PDXDC1: variants seen among roughly 807,000 people sequenced by gnomAD.
The protein encoded by PDXDC1 is pyridoxal dependent decarboxylase domain containing 1.
PDXDC1 carries 42 observed loss-of-function variants against 100.1 expected under a neutral mutation model. The ratio of observed to expected loss-of-function variants is 0.42; its 90% CI spans 0.33 to 0.54. The LOEUF is 0.54. PDXDC1 is among the 20% of genes least tolerant of loss of function. The pLI, the probability that PDXDC1 is intolerant of heterozygous loss-of-function variation, is 0.10. For missense variants in PDXDC1, 636 were observed against 979.2 expected (o/e 0.65, Z 4.68); for synonymous variants, 260 against 371.7 (o/e 0.70, Z 3.46).
chr16:15,052,150 C>T (rs185143585), intron 16 of PDXDC1, among the ~76,000 whole-genome samples: 2 of 152,312 alleles, frequency 1.3e-5, no homozygotes, highest in African/African-American at 4.8e-5. Flanking sequence ...TACAAGGCCG[C>T]AGTCTCTGTC....
At chr16:15,008,548 A>G (rs1158901324) in intron 6 of PDXDC1, among the ~76,000 whole-genome samples, 1 of 152,174 alleles carries the variant, frequency 6.6e-6, no homozygotes, top group Non-Finnish European at 1.5e-5. Context: ...TGAATCATTT[A>G]GAAAATTTTA....
At chr16:15,079,874 G>A in intron 16 of PDXDC1, 1 of 1,149,600 alleles carries the variant, frequency 8.7e-7, no homozygotes, top group East Asian at 2.8e-5. Flanking sequence ...TGGGAATACA[G>A]GCGTGAGTCA....
intron 16 of PDXDC1, chr16:15,126,888 C>T: frequency 4.7e-6 from 1 of 211,288 alleles, no homozygotes; most frequent in Non-Finnish European, 9.6e-6. Flanking sequence ...GAACTCCTGA[C>T]CTCAACTGAT....
downstream of PDXDC1, chr16:15,040,036 C>T (rs779224026): frequency 3.7e-6 from 6 of 1,610,498 alleles, no homozygotes; most frequent in East Asian, 2.2e-5. Context: ...AAAGGATGCT[C>T]TGTAAATCTC....
the PDXDC1 span, among the ~76,000 whole-genome samples, chr16:15,149,168 G>A: frequency 1.5e-4 from 23 of 152,144 alleles, no homozygotes; most frequent in African/African-American, 3.9e-4. Flanking sequence ...CCCTGCCCCC[G>A]AGTCACCTTG....
chr16:15,100,684 G>A (rs558728995), intron 16 of PDXDC1, among the ~76,000 whole-genome samples: 57 of 152,216 alleles, frequency 3.7e-4, no homozygotes, highest in South Asian at 1.2e-3. Context: ...AGAACCACTG[G>A]TATAAACAAG....
intron 16 of PDXDC1, chr16:15,125,891 G>C (rs2047689385): frequency 5.6e-6 from 4 of 710,722 alleles, no homozygotes; most frequent in South Asian, 4.4e-5. Context: ...CAGCAGACAG[G>C]ACAGAGCCCG....
intron 16 of PDXDC1, among the ~76,000 whole-genome samples, chr16:15,082,340 T>C (rs1443328871): frequency 1.3e-5 from 2 of 152,188 alleles, no homozygotes. Flanking sequence ...TCCTTTGTTC[T>C]ATTGCTACAA....
Position 15,035,562 on chromosome 16 carries a change from C to G in PDXDC1, c.2107+9C>G. 2 of 1,543,858 alleles carry G rather than the reference C, an allele frequency of 1.3e-6. No individual in the cohort carries two copies. Among genetic ancestry groups the G allele is most frequent in the African/African-American group, 1.4e-5 (1 of 73,194 alleles). ...CAAGCAGAGGCTTCCAGGTAAGTGA[C>G]GCCTCTGCACCGAGTTCAGGTAACA... On this transcript the variant is annotated intron_variant, in intron 22 of 22. Coordinates refer to ENST00000396410, the MANE Select transcript of PDXDC1 (RefSeq NM_015027.4).
downstream of PDXDC1, chr16:15,039,897 C>CA: frequency 1.2e-6 from 1 of 863,262 alleles, no homozygotes; most frequent in Non-Finnish European, 1.9e-6. Flanking sequence ...TCTAAGATCC[C>CA]AAAAACTTAA....
rs1598260760 is a variant in PDXDC1 at position 15,132,756 on chromosome 16, T to C, written c.1400-6123T>C. ...GCCAGCGCAGCAGCGATCTGCTGGATGTCATCCACAGTGTGGACCCTCAGG... is the reference window on the plus strand; with the variant it reads ...GCCAGCGCAGCAGCGATCTGCTGGACGTCATCCACAGTGTGGACCCTCAGG... On this transcript the variant is annotated intron_variant, in intron 16 of 16. Transcript: ENST00000535621. 16 of 1,144,774 alleles carry C rather than the reference T, an allele frequency of 1.4e-5. No individual in the cohort carries two copies. The East Asian group carries it at 3.7e-4, about 27-fold the overall frequency. 70.9% of individuals were successfully genotyped at this position (1,144,774 alleles called of 1,614,324 possible).
intron 16 of PDXDC1, among the ~76,000 whole-genome samples, chr16:15,122,172 A>G: frequency 6.6e-6 from 1 of 152,070 alleles, no homozygotes. Context: ...TAAAAAACAA[A>G]CAAACAAACA....
intron 1 of PDXDC1, among the ~76,000 whole-genome samples, chr16:14,991,524 C>CTTTT (rs1313041416): frequency 7.3e-6 from 1 of 136,064 alleles, no homozygotes. Flanking sequence ...TGTATTTTGT[C>CTTTT]TATTTTTTTT....
At chr16:14,990,038 C>T in intron 1 of PDXDC1, 3 of 1,478,840 alleles carry the variant, frequency 2.0e-6, no homozygotes, top group Non-Finnish European at 1.8e-6. Flanking sequence ...CCGCCGCCCG[C>T]TGCGCGCCGG....
intron 16 of PDXDC1, chr16:15,131,230 G>C (rs771594592): frequency 6.3e-7 from 1 of 1,591,090 alleles, no homozygotes; most frequent in Non-Finnish European, 8.5e-7. Flanking sequence ...AGCCCAGTCC[G>C]AGTTGTTGGG....
intron 17 of PDXDC1, chr16:15,032,431 A>G (rs1181777804): frequency 5.8e-6 from 1 of 170,972 alleles, no homozygotes; most frequent in Non-Finnish European, 1.3e-5. Flanking sequence ...AGGAGCATAG[A>G]TGACTTGAGG....
chr16:15,057,095 T>C (rs939408118), intron 16 of PDXDC1, among the ~76,000 whole-genome samples: 1 of 152,182 alleles, frequency 6.6e-6, no homozygotes, highest in Non-Finnish European at 1.5e-5. Context: ...AGGAGCCACA[T>C]GATACAGCAG....
chr16:14,992,983 C>G (rs140802740), intron 1 of PDXDC1, among the ~76,000 whole-genome samples: 1,941 of 152,174 alleles, frequency 0.013, 19 homozygotes, highest in Non-Finnish European at 0.018. Context: ...TCCCAAGTAG[C>G]TAGGTCTACA....
chr16:15,072,754 C>T (rs971942347), intron 16 of PDXDC1, among the ~76,000 whole-genome samples: 8 of 151,746 alleles, frequency 5.3e-5, no homozygotes, highest in African/African-American at 1.5e-4. Flanking sequence ...GGCAGCAGAG[C>T]GAGACTGTGT....
Sources: allele counts gnomAD v4.1 joint callset (sites outside exome capture counted in the v4.1 genomes callset), GRCh38; gene constraint gnomAD v4.1.1; transcripts MANE v1.5; gene names NCBI Gene and HGNC (gene_info 2026-07-23, HGNC 2026-07-21).